ATAD2B: variants seen among roughly 807,000 people sequenced by gnomAD.
ATAD2B encodes the protein ATPase family AAA domain containing 2B, also known as ATPase family AAA domain-containing protein 2B.
ATAD2B carries 40 observed loss-of-function variants against 167.6 expected under a neutral mutation model. The ratio of observed to expected loss-of-function variants is 0.24; its 90% CI spans 0.19 to 0.31. ATAD2B has a LOEUF of 0.31. Among genes scored for constraint, ATAD2B ranks in the 10% least tolerant of loss-of-function variants. The pLI, the probability that ATAD2B is intolerant of heterozygous loss-of-function variation, is 1.00. For synonymous variants in ATAD2B, 579 were observed against 596.5 expected, an observed-to-expected ratio of 0.97 and a Z score of 0.43; for missense variants, 1,242 against 1,757.2, an observed-to-expected ratio of 0.71 and a Z score of 5.24.
rs1232844144 is a variant in ATAD2B, at chr2:23,762,283, C to T, written c.3320G>A (p.Arg1107Lys). The T allele has an allele frequency of 5.6e-6, 9 of 1,613,474 alleles. No homozygotes were observed. The highest frequency in any genetic ancestry group is 1.6e-4 in the Middle Eastern group (1 of 6,082). The change falls in exon 24 of 28, where the codon AGA (arginine) becomes AAA (lysine). Residue 1107 changes from arginine to lysine, a missense_variant. Transcript: ENST00000238789. ...HSTGARKTET[R>K]VEEAFRHKQR... ...TTTGTGCCGAAATGCCTCTTCGACT[C>T]TAGTTTCTGTCTTCCGAGCTCCAGT...
the ATAD2B span, among the ~76,000 whole-genome samples, chr2:23,712,058 C>T: frequency 1.8e-4 from 28 of 152,288 alleles, no homozygotes; most frequent in South Asian, 6.2e-4. Flanking sequence ...ATGCTCATTA[C>T]GGTCCTGCAC....
the ATAD2B span, among the ~76,000 whole-genome samples, chr2:23,698,659 CATT>C: frequency 6.6e-6 from 1 of 152,138 alleles, no homozygotes; most frequent in African/African-American, 2.4e-5. Context: ...TGTATTATAT[CATT>C]ATATAAATAA....
intron 1 of ATAD2B, among the ~76,000 whole-genome samples, chr2:23,925,809 C>T (rs1425665106): frequency 6.6e-6 from 1 of 152,066 alleles, no homozygotes; most frequent in Non-Finnish European, 1.5e-5. Context: ...ATGTAGACAC[C>T]CAAGAAACCA....
chr2:23,911,225 A>G (rs924887607), intron 1 of ATAD2B, among the ~76,000 whole-genome samples: 1 of 151,626 alleles, frequency 6.6e-6, no homozygotes, highest in South Asian at 2.1e-4. Context: ...CCGTCTGGAA[A>G]AAAAAAAAAA....
intron 18 of ATAD2B, among the ~76,000 whole-genome samples, chr2:23,801,230 GA>G (rs558295418): frequency 0.024 from 3,515 of 147,796 alleles, 363 homozygotes; most frequent in Admixed American, 0.2. Flanking sequence ...TAAGCAACAG[GA>G]AAAAAAAAAG....
chr2:23,808,000 A>C (rs1684794425), intron 18 of ATAD2B, among the ~76,000 whole-genome samples: 3 of 123,442 alleles, frequency 2.4e-5, no homozygotes, highest in African/African-American at 9.5e-5. Flanking sequence ...AATTTAGCAC[A>C]GTAATTTATA....
intron 14 of ATAD2B, among the ~76,000 whole-genome samples, chr2:23,830,043 G>A (rs111431539): frequency 2.6e-5 from 4 of 152,018 alleles, no homozygotes; most frequent in African/African-American, 7.3e-5. Context: ...GGAGTACAGT[G>A]GTGTGATCTT....
In ATAD2B at chr2:23,750,248, T is replaced by G. The variant is rs1432665646; in HGVS notation, c.*1798A>C. The G allele has an allele frequency of 2.0e-5, 3 of 152,096 alleles. No individual in the cohort carries two copies. Among genetic ancestry groups the G allele is most frequent in the African/African-American group, 7.2e-5 (3 of 41,434 alleles). 9.4% of individuals were successfully genotyped at this position (152,096 alleles called of 1,614,324 possible). A position where few individuals can be genotyped will look rare whatever the true frequency, so the allele number is the denominator to read the frequency against. ...ACAGTGTGTCTACATGGGTAGCATC[T>G]TGACTTGTATGACTAACTGGATATT... On this transcript the variant is annotated 3_prime_UTR_variant, in exon 28 of 28. Coordinates refer to ENST00000238789, the MANE Select transcript of ATAD2B (RefSeq NM_017552.4).
intron 8 of ATAD2B, among the ~76,000 whole-genome samples, chr2:23,874,165 C>A (rs537841600): frequency 3.3e-5 from 5 of 151,284 alleles, no homozygotes; most frequent in Non-Finnish European, 7.4e-5. Context: ...CCAGCCTTGG[C>A]GACCAGGGAA....
At chr2:23,814,326 A>G (rs566779939) in intron 17 of ATAD2B, among the ~76,000 whole-genome samples, 1 of 152,356 alleles carries the variant, frequency 6.6e-6, no homozygotes, top group African/African-American at 2.4e-5. Flanking sequence ...CTAAGTATCA[A>G]ACAATACCAG....
At chr2:23,872,901 C>G in intron 8 of ATAD2B, 1 of 781,830 alleles carries the variant, frequency 1.3e-6, no homozygotes, top group Non-Finnish European at 2.3e-6. Context: ...TGCCACTCTT[C>G]ATCTCCTTAT....
intron 24 of ATAD2B, among the ~76,000 whole-genome samples, chr2:23,760,754 A>T (rs973264233): frequency 4.3e-4 from 51 of 117,436 alleles, no homozygotes; most frequent in Admixed American, 2.4e-3. Context: ...ACACACATAC[A>T]CACACACACA....
the ATAD2B span, among the ~76,000 whole-genome samples, chr2:23,692,690 G>A: frequency 5.8e-4 from 89 of 152,292 alleles, 3 homozygotes; most frequent in South Asian, 9.3e-3. Flanking sequence ...AAGGCCCTGG[G>A]AGGGACAGTA....
At chr2:23,802,535 C>T (rs1683661527) in intron 18 of ATAD2B, among the ~76,000 whole-genome samples, 1 of 151,878 alleles carries the variant, frequency 6.6e-6, no homozygotes, top group Non-Finnish European at 1.5e-5. Context: ...AAAATTAAAT[C>T]ACTTAAATTC....
At chr2:23,899,048 T>C (rs1700468949) in intron 1 of ATAD2B, among the ~76,000 whole-genome samples, 1 of 152,118 alleles carries the variant, frequency 6.6e-6, no homozygotes, top group Non-Finnish European at 1.5e-5. Context: ...CTTGGGAGGC[T>C]GAGGCAGGAG....
intron 19 of ATAD2B, among the ~76,000 whole-genome samples, chr2:23,791,055 T>C (rs1371484388): frequency 6.6e-6 from 1 of 152,238 alleles, no homozygotes; most frequent in Non-Finnish European, 1.5e-5. Flanking sequence ...ATCATACAAC[T>C]GACAGTCTTT....
In ATAD2B at chr2:23,843,713, G is replaced by T. The variant is rs1691299356; in HGVS notation, c.1569-9635C>A. On this transcript the variant is annotated intron_variant, in intron 13 of 27. Coordinates refer to ENST00000238789, the MANE Select transcript of ATAD2B (RefSeq NM_017552.4). ...ACACCAATCACTGCATACATGTGAT[G>T]AAACTACCCAAGGCTTGGGGAAAAA... Among the ~76,000 whole-genome samples, 6 of 152,210 alleles carry T rather than the reference G, an allele frequency of 3.9e-5. No homozygotes were observed. In the South Asian group the frequency reaches 1.2e-3, roughly 32 times the overall value.
At chr2:23,865,764 T>C (rs1695041710) in intron 10 of ATAD2B, among the ~76,000 whole-genome samples, 2 of 152,156 alleles carry the variant, frequency 1.3e-5, no homozygotes, top group Admixed American at 6.5e-5. Context: ...ACTTTTTTTT[T>C]TCTTTATGGG....
the ATAD2B span, chr2:23,703,520 GC>G: frequency 9.4e-7 from 1 of 1,066,248 alleles, no homozygotes; most frequent in Non-Finnish European, 1.3e-6. Context: ...GAGTTGCCGA[GC>G]CCCCAGCTCA....
Sources: allele counts gnomAD v4.1 joint callset (sites outside exome capture counted in the v4.1 genomes callset), GRCh38; gene constraint gnomAD v4.1.1; transcripts MANE v1.5; gene names NCBI Gene and HGNC (gene_info 2026-07-23, HGNC 2026-07-21).